LOC128092252: variants seen among roughly 807,000 people sequenced by gnomAD.
chr15:50,663,070 T>C, the LOC128092252 span: 4 of 1,573,912 alleles, frequency 2.5e-6, no homozygotes, highest in South Asian at 1.1e-5. Context: ...TTTTAAAGAA[T>C]TGTTTATAAG....
At chr15:50,659,944 C>T in the LOC128092252 span, among the ~76,000 whole-genome samples, 4 of 152,224 alleles carry the variant, frequency 2.6e-5, no homozygotes, top group South Asian at 2.1e-4. Flanking sequence ...GGATTACAGG[C>T]GTGAGCCACC....
At chr15:50,652,328 C>CAAAAAAAAAAAAAAAAAAA in the LOC128092252 span, among the ~76,000 whole-genome samples, 3 of 34,232 alleles carry the variant, frequency 8.8e-5, no homozygotes, top group Admixed American at 5.0e-4. Flanking sequence ...GACTCCATCT[C>CAAAAAAAAAAAAAAAAAAA]AAAAAAAAAA....
At chr15:50,682,308 A>G in the LOC128092252 span, among the ~76,000 whole-genome samples, 49,533 of 151,466 alleles carry the variant, frequency 0.33, 9,872 homozygotes, top group Admixed American at 0.47. Flanking sequence ...CCCTACGTGG[A>G]CAGAAAACTA....
the LOC128092252 span, among the ~76,000 whole-genome samples, chr15:50,681,945 G>A: frequency 6.6e-6 from 1 of 152,120 alleles, no homozygotes; most frequent in Non-Finnish European, 1.5e-5. Context: ...ACTTTGGGAG[G>A]CTGAGGTGGA....
the LOC128092252 span, among the ~76,000 whole-genome samples, chr15:50,654,576 C>A: frequency 6.6e-6 from 1 of 151,532 alleles, no homozygotes; most frequent in African/African-American, 2.4e-5. Flanking sequence ...TATAAATATG[C>A]TGAAGGGCAT....
chr15:50,650,362 G>T, the LOC128092252 span, among the ~76,000 whole-genome samples: 1 of 151,884 alleles, frequency 6.6e-6, no homozygotes, highest in Non-Finnish European at 1.5e-5. Context: ...TTATGACAGG[G>T]TCCTCAAAAA....
chr15:50,678,018 T>A, the LOC128092252 span, among the ~76,000 whole-genome samples: 5 of 151,240 alleles, frequency 3.3e-5, no homozygotes, highest in African/African-American at 1.2e-4. Context: ...GGCGGGCGGA[T>A]CACGAGGTCA....
the LOC128092252 span, among the ~76,000 whole-genome samples, chr15:50,675,372 C>T: frequency 1.3e-5 from 2 of 151,864 alleles, no homozygotes; most frequent in African/African-American, 2.4e-5. Context: ...TCTCCTACAG[C>T]CTTCCCTACC....
At chr15:50,663,133 C>CTTT in the LOC128092252 span, 7 of 804,896 alleles carry the variant, frequency 8.7e-6, no homozygotes, top group South Asian at 1.8e-5. Flanking sequence ...ATAAACAGTT[C>CTTT]TTTTTTTTTT....
At chr15:50,667,733 AAAT>A in the LOC128092252 span, among the ~76,000 whole-genome samples, 4 of 152,194 alleles carry the variant, frequency 2.6e-5, no homozygotes, top group Non-Finnish European at 5.9e-5. Context: ...TTTAAATAAG[AAAT>A]AATAAAATAA....
the LOC128092252 span, chr15:50,686,699 C>G: frequency 4.6e-6 from 4 of 876,648 alleles, no homozygotes; most frequent in Admixed American, 6.5e-5. Context: ...GCGCTAGCAG[C>G]AGAAGCCGAG....
chr15:50,681,245 C>T, the LOC128092252 span, among the ~76,000 whole-genome samples: 6 of 127,068 alleles, frequency 4.7e-5, no homozygotes, highest in African/African-American at 2.2e-4. Flanking sequence ...AGCAAGACTT[C>T]GTCTCAAAAA....
chr15:50,651,402 T>C, the LOC128092252 span, among the ~76,000 whole-genome samples: 2 of 152,108 alleles, frequency 1.3e-5, no homozygotes, highest in Non-Finnish European at 2.9e-5. Context: ...TCCCAGCACT[T>C]TGGGAAGCCG....
At chr15:50,665,979 C>T in the LOC128092252 span, among the ~76,000 whole-genome samples, 9 of 151,030 alleles carry the variant, frequency 6.0e-5, no homozygotes, top group South Asian at 2.1e-4. Context: ...GGCAACAGAG[C>T]GAGACTCTCT....
At chr15:50,657,390 CA>C in the LOC128092252 span, among the ~76,000 whole-genome samples, 2 of 152,136 alleles carry the variant, frequency 1.3e-5, no homozygotes, top group Admixed American at 1.3e-4. Flanking sequence ...AACATGAAAT[CA>C]AAAGCATGTG....
chr15:50,670,850 A>G, the LOC128092252 span, among the ~76,000 whole-genome samples: 3 of 151,836 alleles, frequency 2.0e-5, no homozygotes, highest in African/African-American at 7.3e-5. Flanking sequence ...AGAGGATACT[A>G]TCAACAACTC....
chr15:50,682,848 C>T, the LOC128092252 span, among the ~76,000 whole-genome samples: 1 of 151,804 alleles, frequency 6.6e-6, no homozygotes, highest in African/African-American at 2.4e-5. Context: ...TCAAGTAATG[C>T]TTATGTCCTA....
chr15:50,650,706 A>C, the LOC128092252 span, among the ~76,000 whole-genome samples: 287 of 151,876 alleles, frequency 1.9e-3, 1 homozygote, highest in African/African-American at 6.4e-3. Flanking sequence ...AAAAAAACAA[A>C]AAAAAACAAA....
chr15:50,684,748 A>G, the LOC128092252 span, among the ~76,000 whole-genome samples: 1 of 152,192 alleles, frequency 6.6e-6, no homozygotes, highest in Non-Finnish European at 1.5e-5. Context: ...CTACAAGGCA[A>G]ATGATGGGTT....
Sources: gnomAD v4.1 joint callset for allele counts (sites outside exome capture counted in the v4.1 genomes callset) on GRCh38, gnomAD v4.1.1 for gene constraint, MANE v1.5 for transcripts.